The following PPP1R12B variants were observed in gnomAD, a reference collection of about 807,000 sequenced individuals.
PPP1R12B encodes the protein myosin phosphatase target subunit 2.
PPP1R12B carries 76 observed loss-of-function variants against 126.1 expected under a neutral mutation model. The observed-to-expected ratio is 0.60, with a 90% CI of 0.50 to 0.73. The LOEUF (loss-of-function observed/expected upper bound fraction) is 0.73, where lower values mean the gene tolerates loss of function less well. Ranked by LOEUF, PPP1R12B falls within the 30% of genes least tolerant of loss-of-function variation. PPP1R12B has a pLI of 0.00. For missense variants in PPP1R12B, 1,052 were observed against 1,205.1 expected (o/e 0.87, Z 1.88); for synonymous variants, 356 against 434.7 (o/e 0.82, Z 2.25).
chr1:202,568,193 C>CACACACAT (rs1688240118), intron 22 of PPP1R12B, among the ~76,000 whole-genome samples: 1 of 151,974 alleles, frequency 6.6e-6, no homozygotes, highest in Non-Finnish European at 1.5e-5. Flanking sequence ...CACACACACA[C>CACACACAT]ACACATCCAA....
chr1:202,551,264 AAGT>A (rs1686287338), intron 18 of PPP1R12B, among the ~76,000 whole-genome samples: 1 of 152,162 alleles, frequency 6.6e-6, no homozygotes, highest in African/African-American at 2.4e-5. Context: ...TATATGTATT[AAGT>A]AGTCAGTAAA....
chr1:202,494,938 T>TC (rs1679353744), intron 15 of PPP1R12B, among the ~76,000 whole-genome samples: 1 of 152,136 alleles, frequency 6.6e-6, no homozygotes. Context: ...CTTTCAGCCC[T>TC]CCATCTTAAA....
intron 10 of PPP1R12B, chr1:202,438,372 G>A (rs1018370348): frequency 1.3e-6 from 1 of 772,226 alleles, no homozygotes; most frequent in South Asian, 1.5e-5. Flanking sequence ...GATCCAGAGG[G>A]CCAATTCCCG....
intron 1 of PPP1R12B, among the ~76,000 whole-genome samples, chr1:202,381,721 T>G (rs939821608): frequency 1.3e-5 from 2 of 152,172 alleles, no homozygotes; most frequent in Non-Finnish European, 2.9e-5. Context: ...TCCAAATCCT[T>G]CCTTTATGGT....
intron 14 of PPP1R12B, 27 bp downstream of exon 14, chr1:202,488,650 A>G (rs1482937484): frequency 7.2e-6 from 11 of 1,536,322 alleles, no homozygotes; most frequent in Middle Eastern, 1.7e-4. Context: ...TTAAAATGTC[A>G]TTTTGTGTAT....
chr1:202,354,638 T>A (rs1396324586), intron 1 of PPP1R12B, among the ~76,000 whole-genome samples: 1 of 151,866 alleles, frequency 6.6e-6, no homozygotes, highest in African/African-American at 2.4e-5. Flanking sequence ...ATGCCATTAA[T>A]TACATGTGTC....
Position 202,588,677 on chromosome 1 carries a change from C to T in PPP1R12B, c.*8117C>T, listed in dbSNP as rs1689967691. On this transcript the variant is annotated 3_prime_UTR_variant, in exon 24 of 24. Transcript: ENST00000608999. ...GGTGGGGGCCTCGCCCACCAGCCTC[C>T]TACAACTCCTGTCCACATAGAGGCC... 1 of 152,056 alleles carries T rather than the reference C, an allele frequency of 6.6e-6. No individual in the cohort carries two copies. 9.4% of individuals were successfully genotyped at this position (152,056 alleles called of 1,614,324 possible).
At chr1:202,383,482 G>T (rs889675829) in intron 1 of PPP1R12B, among the ~76,000 whole-genome samples, 1 of 152,114 alleles carries the variant, frequency 6.6e-6, no homozygotes, top group Non-Finnish European at 1.5e-5. Context: ...CCAGCGCTTT[G>T]GGAGGCTGAG....
rs957432294 is a variant in PPP1R12B at position 202,464,955 on chromosome 1, G to A, written c.1850+15784G>A. On this transcript the variant is annotated intron_variant, in intron 13 of 23. Coordinates refer to ENST00000608999, the MANE Select transcript of PPP1R12B (RefSeq NM_002481.4). The stretch of plus-strand genomic sequence containing the variant: ...GAGTTCAGAGAAGATGAATGGTATA[G>A]GATGGAGTAGTCAGAAGGGGCTTCG... Among the ~76,000 whole-genome samples the A allele has an allele frequency of 1.1e-4, 16 of 152,148 alleles. 1 individual carries two copies. The highest frequency in any genetic ancestry group is 4.1e-4 in the South Asian group (2 of 4,830).
rs1356075470 is a variant in PPP1R12B at position 202,440,702 on chromosome 1, A to G, written c.1459-4A>G. 6.2e-7 allele frequency: 1 copy of G among 1,607,846 alleles called. No homozygotes were observed. The highest frequency in any genetic ancestry group is 2.2e-5 in the East Asian group (1 of 44,820). ...CTTGTGCTTTACTTGTTTTTATTTT[A>G]CAGGAGAGAGAAAACAAAAGCTATA... On this transcript the variant is annotated splice_region_variant and splice_polypyrimidine_tract_variant and intron_variant, in intron 10 of 23. Coordinates refer to ENST00000608999, the MANE Select transcript of PPP1R12B (RefSeq NM_002481.4).
At chr1:202,495,854 G>T (rs534775735) in intron 17 of PPP1R12B, among the ~76,000 whole-genome samples, 172 bp downstream of exon 17, 1 of 152,308 alleles carries the variant, frequency 6.6e-6, no homozygotes. Context: ...CATTTGGTAT[G>T]TTCCTGCTAG....
chr1:202,500,906 T>G (rs1338742139), intron 18 of PPP1R12B, among the ~76,000 whole-genome samples: 4 of 152,254 alleles, frequency 2.6e-5, no homozygotes, highest in African/African-American at 9.6e-5. Flanking sequence ...CATGCATTGC[T>G]ATGCTGGGGA....
At chr1:202,456,070 A>G (rs1173079541) in intron 13 of PPP1R12B, among the ~76,000 whole-genome samples, 1 of 151,994 alleles carries the variant, frequency 6.6e-6, no homozygotes, top group Non-Finnish European at 1.5e-5. Context: ...GGAGTTCTAG[A>G]CCAGCCTGGC....
intron 7 of PPP1R12B, among the ~76,000 whole-genome samples, chr1:202,431,111 C>T (rs1448853773): frequency 6.6e-6 from 1 of 152,172 alleles, no homozygotes; most frequent in Non-Finnish European, 1.5e-5. Context: ...CTGTAAGTTT[C>T]ATGAACTCAG....
chr1:202,525,206 G>C (rs886920011), intron 18 of PPP1R12B, among the ~76,000 whole-genome samples: 2 of 152,182 alleles, frequency 1.3e-5, no homozygotes, highest in African/African-American at 4.8e-5. Flanking sequence ...ATGTTGGTTT[G>C]AGATACCTGT....
intron 18 of PPP1R12B, among the ~76,000 whole-genome samples, chr1:202,552,249 T>G (rs566768949): frequency 1.3e-5 from 2 of 152,332 alleles, no homozygotes; most frequent in African/African-American, 4.8e-5. Flanking sequence ...ATTTCCAGAT[T>G]ATGCAGGATC....
chr1:202,366,649 A>G (rs1354995276), intron 1 of PPP1R12B, among the ~76,000 whole-genome samples: 1 of 152,164 alleles, frequency 6.6e-6, no homozygotes, highest in Non-Finnish European at 1.5e-5. Flanking sequence ...CTAAGAAACT[A>G]CAAAATTATG....
In PPP1R12B at chr1:202,448,987, A is replaced by G; in HGVS notation, c.1668-2A>G. The G allele has an allele frequency of 6.2e-7, 1 of 1,613,630 alleles. No homozygotes were observed. The highest frequency in any genetic ancestry group is 8.5e-7 in the Non-Finnish European group (1 of 1,179,690). On this transcript the variant is annotated splice_acceptor_variant, in intron 12 of 23. Coordinates refer to ENST00000608999, the MANE Select transcript of PPP1R12B (RefSeq NM_002481.4). LOFTEE classifies it high-confidence loss of function. ...TTCTGCTTGTATCTTTTTAAATTTCAGGACTCCTCACAAATCCCAGGCCGA... is the reference window on the plus strand; with the variant it reads ...TTCTGCTTGTATCTTTTTAAATTTCGGGACTCCTCACAAATCCCAGGCCGA...
rs557853399 is a variant in PPP1R12B, at chr1:202,446,742, T to C, written c.1668-2247T>C. 2.0e-5 allele frequency among the ~76,000 whole-genome samples: 3 copies of C among 151,888 alleles called. No individual in the cohort carries two copies. In the East Asian group the frequency reaches 5.8e-4, roughly 29 times the overall value. ...GATTTAGTTTGCTCATATGTAACGA[T>C]AAATCTAAATAGTAGTGGCTTAAAT... On this transcript the variant is annotated intron_variant, in intron 12 of 23. Coordinates refer to ENST00000608999, the MANE Select transcript of PPP1R12B (RefSeq NM_002481.4).
Sources: gnomAD v4.1 joint callset for allele counts (sites outside exome capture counted in the v4.1 genomes callset) on GRCh38, gnomAD v4.1.1 for gene constraint, MANE v1.5 for transcripts, NCBI Gene and HGNC (gene_info 2026-07-23, HGNC 2026-07-21) for gene names.